The following CNBD1 variants were observed in gnomAD, a reference collection of about 807,000 sequenced individuals.
CNBD1 encodes the protein cyclic nucleotide-binding domain-containing protein 1.
A neutral mutation model predicts 54.4 loss-of-function variants in CNBD1; 71 were observed. The observed-to-expected ratio is 1.30, with a 90% CI of 1.08 to 1.59. The LOEUF is 1.59. CNBD1 is among the 40% of genes most tolerant of loss of function. The pLI is 0.00. For synonymous variants in CNBD1, 182 were observed against 170.7 expected (o/e 1.07, Z -0.51); for missense variants, 659 against 518.0 (o/e 1.27, Z -2.64).
intron 2 of CNBD1, among the ~76,000 whole-genome samples, chr8:87,423,487 G>A (rs79264156): frequency 0.01 from 1,545 of 151,536 alleles, 34 homozygotes; most frequent in African/African-American, 0.035. Context: ...TAGCATGAAG[G>A]GTTGTTGAAT....
intron 4 of CNBD1, among the ~76,000 whole-genome samples, chr8:87,076,249 C>A (rs1810870589): frequency 6.6e-6 from 1 of 152,094 alleles, no homozygotes; most frequent in African/African-American, 2.4e-5. Context: ...CTAGAGTCTG[C>A]ACAGAGTGTT....
At chr8:87,389,980 A>G (rs1459146187) in intron 2 of CNBD1, among the ~76,000 whole-genome samples, 4 of 148,346 alleles carry the variant, frequency 2.7e-5, no homozygotes. Context: ...CAAACCTGAG[A>G]AAAACAAGCA....
At chr8:87,376,214 A>G (rs1437534564) in intron 10 of CNBD1, among the ~76,000 whole-genome samples, 2 of 151,844 alleles carry the variant, frequency 1.3e-5, no homozygotes, top group Admixed American at 6.6e-5. Context: ...TTATTTTCCC[A>G]TAGTTTTGGA....
intron 3 of CNBD1, among the ~76,000 whole-genome samples, chr8:86,907,403 C>T (rs1006563052): frequency 6.6e-6 from 1 of 151,968 alleles, no homozygotes; most frequent in African/African-American, 2.4e-5. Context: ...CGTGGTGGCT[C>T]ACACCTGTAA....
intron 3 of CNBD1, among the ~76,000 whole-genome samples, chr8:86,926,431 C>G (rs2131829962): frequency 6.6e-6 from 1 of 152,234 alleles, no homozygotes; most frequent in South Asian, 2.1e-4. Flanking sequence ...GCTTGATGGC[C>G]TTGATCCTGG....
intron 4 of CNBD1, among the ~76,000 whole-genome samples, chr8:86,985,276 G>A (rs1808580861): frequency 6.6e-6 from 1 of 152,084 alleles, no homozygotes; most frequent in African/African-American, 2.4e-5. Context: ...TCTTGGGTAT[G>A]TCTTTGTCAG....
At chr8:86,973,681 G>T (rs1808273972) in intron 4 of CNBD1, among the ~76,000 whole-genome samples, 1 of 152,274 alleles carries the variant, frequency 6.6e-6, no homozygotes, top group South Asian at 2.1e-4. Context: ...ACATGTTTTT[G>T]TAGCAAGTTG....
chr8:86,933,897 CTAT>C (rs1809500410), intron 3 of CNBD1, among the ~76,000 whole-genome samples: 1 of 152,110 alleles, frequency 6.6e-6, no homozygotes, highest in Non-Finnish European at 1.5e-5. Context: ...TTATGTATCT[CTAT>C]TATTTATCTG....
intron 4 of CNBD1, among the ~76,000 whole-genome samples, chr8:87,059,847 C>A (rs1005952087): frequency 1.4e-4 from 22 of 152,296 alleles, no homozygotes; most frequent in Middle Eastern, 3.4e-3. Flanking sequence ...ACAGCCTTTA[C>A]TTGAGATCCA....
chr8:86,924,512 A>G (rs2131827903), intron 3 of CNBD1, among the ~76,000 whole-genome samples: 1 of 152,300 alleles, frequency 6.6e-6, no homozygotes, highest in Admixed American at 6.5e-5. Context: ...TAATTCAGCA[A>G]TGTTCTGTGG....
intron 6 of CNBD1, among the ~76,000 whole-genome samples, chr8:87,281,516 T>C (rs1462210581): frequency 7.3e-6 from 1 of 136,558 alleles, no homozygotes; most frequent in East Asian, 2.2e-4. Context: ...TATTTGTTTT[T>C]TTCATCAGAA....
chr8:86,996,801 T>A (rs1047025758), intron 4 of CNBD1, among the ~76,000 whole-genome samples: 16 of 152,190 alleles, frequency 1.1e-4, no homozygotes, highest in Non-Finnish European at 2.1e-4. Flanking sequence ...GGGTTGCAGA[T>A]AAACAATGAC....
chr8:87,400,607 G>T (rs899360947), intron 2 of CNBD1, among the ~76,000 whole-genome samples: 5 of 151,866 alleles, frequency 3.3e-5, no homozygotes, highest in Non-Finnish European at 5.9e-5. Flanking sequence ...AATAATAGAT[G>T]CCATTTATCC....
At chr8:87,024,548 G>A (rs1809585975) in intron 4 of CNBD1, among the ~76,000 whole-genome samples, 1 of 151,778 alleles carries the variant, frequency 6.6e-6, no homozygotes, top group African/African-American at 2.4e-5. Flanking sequence ...CACCATATTG[G>A]CCAGGCTGGT....
chr8:87,368,181 GAAA>G (rs1563572436), intron 10 of CNBD1, among the ~76,000 whole-genome samples: 14 of 150,144 alleles, frequency 9.3e-5, no homozygotes, highest in African/African-American at 3.5e-4. Flanking sequence ...GAAAAGAAAA[GAAA>G]AGAATATGTT....
intron 3 of CNBD1, among the ~76,000 whole-genome samples, chr8:86,917,719 G>A (rs768762770): frequency 3.3e-5 from 5 of 152,104 alleles, no homozygotes; most frequent in Non-Finnish European, 7.4e-5. Context: ...TGGCCACTCT[G>A]CAACAGGAAC....
At chr8:87,250,850 G>T (rs1807901335) in intron 6 of CNBD1, among the ~76,000 whole-genome samples, 1 of 152,172 alleles carries the variant, frequency 6.6e-6, no homozygotes, top group Non-Finnish European at 1.5e-5. Flanking sequence ...GGGGGATAAA[G>T]TGAGATGGCT....
chr8:87,181,819 C>A (rs1050094194), intron 4 of CNBD1, among the ~76,000 whole-genome samples: 3 of 152,082 alleles, frequency 2.0e-5, no homozygotes, highest in African/African-American at 7.2e-5. Context: ...TTAGAACTTT[C>A]TTCTTTCTAA....
chr8:87,039,933 G>T (rs1810028793), intron 4 of CNBD1, among the ~76,000 whole-genome samples: 1 of 152,136 alleles, frequency 6.6e-6, no homozygotes, highest in South Asian at 2.1e-4. Flanking sequence ...CAGTTCTTGG[G>T]TGGGGAGCCA....
Sources: allele counts gnomAD v4.1 joint callset (sites outside exome capture counted in the v4.1 genomes callset), GRCh38; gene constraint gnomAD v4.1.1; transcripts MANE v1.5; gene names NCBI Gene and HGNC (gene_info 2026-07-23, HGNC 2026-07-21).